MEIS1: variants seen among roughly 807,000 people sequenced by gnomAD.
MEIS1 encodes the protein homeobox protein Meis1.
Under a neutral mutation model 50.8 loss-of-function variants are expected in MEIS1, and 5 were observed. The ratio of observed to expected loss-of-function variants is 0.10; its 90% CI spans 0.05 to 0.21. The LOEUF is 0.21. Ranked by LOEUF, MEIS1 falls within the 10% of genes least tolerant of loss-of-function variation. MEIS1 has a pLI of 1.00. For synonymous variants in MEIS1, 176 were observed against 179.3 expected (o/e 0.98, Z 0.15); for missense variants, 318 against 517.3 (o/e 0.61, Z 3.74).
At chr2:66,533,821 C>G (rs1674453103) in intron 8 of MEIS1, among the ~76,000 whole-genome samples, 1 of 152,198 alleles carries the variant, frequency 6.6e-6, no homozygotes, top group South Asian at 2.1e-4. Flanking sequence ...ACCCATGAAG[C>G]TGCCCTGCCT....
chr2:66,534,896 G>A (rs1460436958), intron 8 of MEIS1, among the ~76,000 whole-genome samples: 1 of 152,124 alleles, frequency 6.6e-6, no homozygotes, highest in African/African-American at 2.4e-5. Context: ...AGACTTTTTG[G>A]CATTACCAGT....
intron 5 of MEIS1, chr2:66,441,825 C>T: frequency 4.5e-6 from 1 of 220,770 alleles, no homozygotes; most frequent in East Asian, 1.5e-4. Flanking sequence ...CTCTTCTTTG[C>T]TACCTCTGAG....
At chr2:66,437,642 A>G (rs1671832655) in intron 1 of MEIS1, 95 bp from the exon 2 acceptor site, 1 of 1,070,746 alleles carries the variant, frequency 9.3e-7, no homozygotes, top group African/African-American at 1.6e-5. Flanking sequence ...GGAAGGACCC[A>G]GCTGTATTGA....
At chr2:66,491,831 G>A (rs1441287355) in intron 7 of MEIS1, among the ~76,000 whole-genome samples, 1 of 151,962 alleles carries the variant, frequency 6.6e-6, no homozygotes, top group Non-Finnish European at 1.5e-5. Flanking sequence ...GTTGATTTGG[G>A]TCCCTCTTCC....
chr2:66,501,283 T>A (rs1673548094), intron 7 of MEIS1, among the ~76,000 whole-genome samples: 1 of 152,184 alleles, frequency 6.6e-6, no homozygotes, highest in Non-Finnish European at 1.5e-5. Context: ...ATAAAGAAAA[T>A]ACTCTTTATT....
chr2:66,509,348 C>A (rs1350622447), intron 7 of MEIS1, among the ~76,000 whole-genome samples: 1 of 152,188 alleles, frequency 6.6e-6, no homozygotes, highest in Non-Finnish European at 1.5e-5. Flanking sequence ...TGAACATGCA[C>A]CAGTATTTAC....
chr2:66,489,981 C>G (rs1343766557), intron 7 of MEIS1, among the ~76,000 whole-genome samples: 2 of 152,010 alleles, frequency 1.3e-5, no homozygotes, highest in Admixed American at 6.5e-5. Context: ...TTCAGAGAGG[C>G]AAAAATATAG....
At chr2:66,443,956 TTC>T (rs748071541) in intron 6 of MEIS1, among the ~76,000 whole-genome samples, 1 of 152,098 alleles carries the variant, frequency 6.6e-6, no homozygotes, top group African/African-American at 2.4e-5. Context: ...CTGTGGGGAT[TTC>T]TCTCTCTCTG....
intron 7 of MEIS1, among the ~76,000 whole-genome samples, chr2:66,494,522 C>T (rs1673350699): frequency 1.3e-5 from 2 of 152,168 alleles, no homozygotes; most frequent in African/African-American, 2.4e-5. Context: ...GAACAAGACT[C>T]ATTTACTATG....
chr2:66,475,317 AATAAC>A (rs1672868651), intron 7 of MEIS1, among the ~76,000 whole-genome samples: 1 of 146,580 alleles, frequency 6.8e-6, no homozygotes, highest in African/African-American at 2.5e-5. Flanking sequence ...TTATTTAATA[AATAAC>A]ATATTTATAT....
chr2:66,439,608 C>T (rs1671897961), intron 2 of MEIS1: 1 of 1,536,782 alleles, frequency 6.5e-7, no homozygotes. Flanking sequence ...ATACGCTAAA[C>T]CGATCCTCAG....
intron 8 of MEIS1, among the ~76,000 whole-genome samples, chr2:66,539,590 C>G (rs763050740): frequency 6.6e-6 from 1 of 152,168 alleles, no homozygotes; most frequent in Non-Finnish European, 1.5e-5. Flanking sequence ...GTTTCGTCAT[C>G]TATCAAATGG....
intron 4 of MEIS1, chr2:66,440,867 C>T: frequency 1.8e-6 from 1 of 541,256 alleles, no homozygotes; most frequent in Non-Finnish European, 3.2e-6. Context: ...CCGGGCTGCG[C>T]AGCTCTAATC....
intron 9 of MEIS1, among the ~76,000 whole-genome samples, chr2:66,556,407 G>A (rs2103950133): frequency 6.6e-6 from 1 of 152,128 alleles, no homozygotes; most frequent in South Asian, 2.1e-4. Flanking sequence ...CAGGTCTGGG[G>A]GAGATGATTG....
intron 6 of MEIS1, among the ~76,000 whole-genome samples, chr2:66,462,400 G>C (rs1198219487): frequency 1.3e-5 from 2 of 152,200 alleles, no homozygotes; most frequent in African/African-American, 4.8e-5. Flanking sequence ...CCTCCCACAT[G>C]TCTTGCTGGT....
At chr2:66,488,540 T>C (rs1673196256) in intron 7 of MEIS1, among the ~76,000 whole-genome samples, 1 of 151,890 alleles carries the variant, frequency 6.6e-6, no homozygotes, top group African/African-American at 2.4e-5. Context: ...TAGCCGGGCA[T>C]GGTGGTGGGC....
rs369217346 is a variant in MEIS1 at position 66,466,980 on chromosome 2, A to G, written c.742+2760A>G. Among the ~76,000 whole-genome samples the G allele has an allele frequency of 3.3e-5, 5 of 152,176 alleles. No homozygotes were observed. The East Asian group carries it at 5.8e-4, about 18-fold the overall frequency. On this transcript the variant is annotated intron_variant, in intron 7 of 12. Transcript: ENST00000272369. ...AGAAAAGAAAGAAAGAAAGGAAAGA[A>G]AAGAAAACAAAAAAGAAATCCCCTA...
At chr2:66,525,129 C>T (rs909876814) in intron 8 of MEIS1, among the ~76,000 whole-genome samples, 4 of 152,132 alleles carry the variant, frequency 2.6e-5, no homozygotes, top group Non-Finnish European at 5.9e-5. Flanking sequence ...AGGAAAATCG[C>T]TTGAGCCCAG....
At chr2:66,511,088 AAG>A in intron 7 of MEIS1, among the ~76,000 whole-genome samples, 1 of 152,232 alleles carries the variant, frequency 6.6e-6, no homozygotes, top group Middle Eastern at 3.4e-3. Flanking sequence ...GTCGGTTTCT[AAG>A]AGAACGGTTG....
Sources: gnomAD v4.1 joint callset for allele counts (sites outside exome capture counted in the v4.1 genomes callset) on GRCh38, gnomAD v4.1.1 for gene constraint, MANE v1.5 for transcripts, NCBI Gene and HGNC (gene_info 2026-07-23, HGNC 2026-07-21) for gene names.